The following MSR1 variants were observed in gnomAD, a reference collection of about 807,000 sequenced individuals.
MSR1 encodes macrophage scavenger receptor types I and II.
A neutral mutation model predicts 47.2 loss-of-function variants in MSR1; 53 were observed. The observed-to-expected ratio is 1.12, with a 90% CI of 0.90 to 1.41. The LOEUF (loss-of-function observed/expected upper bound fraction) is 1.41, where lower values mean the gene tolerates loss of function less well. Among genes scored for constraint, MSR1 ranks in the 40% most tolerant of loss-of-function variants. The pLI is 0.00. For synonymous variants in MSR1, 239 were observed against 185.6 expected, an observed-to-expected ratio of 1.29 and a Z score of -2.34; for missense variants, 786 against 546.9, an observed-to-expected ratio of 1.44 and a Z score of -4.36.
rs1800535182 is a variant in MSR1 at position 16,140,789 on chromosome 8, TAAG to T, written c.1033+2766_1033+2768del. On this transcript the variant is annotated intron_variant, in intron 8 of 9. Transcript: ENST00000262101. ...AGAGGTGATGGTGGAGTAATTGGAG[TAAG>T]AAGAGGTATGAGCATGGGAGCAGAG... is the stretch of plus-strand genomic sequence containing the variant. 7 of 1,470,390 alleles carry T rather than the reference TAAG, an allele frequency of 4.8e-6. No homozygotes were observed. In the East Asian group the frequency reaches 7.3e-5, roughly 15 times the overall value. 91.1% of individuals were successfully genotyped at this position (1,470,390 alleles called of 1,614,324 possible). A position where few individuals can be genotyped will look rare whatever the true frequency, so the allele number is the denominator to read the frequency against.
chr8:16,185,552 A>G lies in MSR1; in HGVS notation c.-5+7046T>C, dbSNP rs1342342321. Among the ~76,000 whole-genome samples the G allele has an allele frequency of 3.9e-5, 6 of 152,238 alleles. No individual in the cohort carries two copies. In the South Asian group the frequency reaches 1.0e-3, roughly 26 times the overall value. On this transcript the variant is annotated intron_variant, in intron 1 of 9. Coordinates refer to ENST00000262101, the MANE Select transcript of MSR1 (RefSeq NM_138715.3). ...TATGCCGGCAAAGCACAGTCACGCA[A>G]TCTGAGCCCAGAACTGCTTTTCTAG...
intron 3 of MSR1, among the ~76,000 whole-genome samples, chr8:16,173,342 T>C (rs1322195191): frequency 1.3e-5 from 2 of 152,220 alleles, no homozygotes; most frequent in Admixed American, 1.3e-4. Context: ...CTGCAGGCAG[T>C]GATTTGCATA....
chr8:16,142,892 T>C (rs1800598146), intron 8 of MSR1, among the ~76,000 whole-genome samples: 1 of 152,142 alleles, frequency 6.6e-6, no homozygotes, highest in Non-Finnish European at 1.5e-5. Flanking sequence ...ACACTCCTCT[T>C]CATAATCCTT....
In MSR1 at chr8:16,120,312, G is replaced by A. The variant is rs1179974998; in HGVS notation, c.1222+106C>T. 5 of 1,172,640 alleles carry A rather than the reference G, an allele frequency of 4.3e-6. No individual in the cohort carries two copies. The African/African-American group carries it at 6.0e-5, about 14-fold the overall frequency. The allele number at this position is 1,172,640 out of a possible 1,614,324, so 72.6% of individuals were successfully genotyped here. Reference sequence around the variant, plus strand: ...GAATCGCTTGAATCCGGGAGGCAGAGGTTGCAGTGAGCCGAGATCGCGCCA... The same window carrying A: ...GAATCGCTTGAATCCGGGAGGCAGAAGTTGCAGTGAGCCGAGATCGCGCCA... On this transcript the variant is annotated intron_variant, in intron 9 of 9. Transcript: ENST00000262101.
chr8:16,141,530 C>T (rs351562), intron 8 of MSR1, among the ~76,000 whole-genome samples: 46,294 of 151,884 alleles, frequency 0.3, 7,523 homozygotes, highest in East Asian at 0.54. Context: ...TTAACATAAG[C>T]GAAAAGCAGA....
At chr8:16,183,287 G>T (rs1484422822) in intron 1 of MSR1, among the ~76,000 whole-genome samples, 1 of 151,928 alleles carries the variant, frequency 6.6e-6, no homozygotes, top group East Asian at 1.9e-4. Flanking sequence ...AAGACCGTTT[G>T]TGAAAAAAGC....
At chr8:16,152,440 A>C (rs1023162940) in intron 6 of MSR1, among the ~76,000 whole-genome samples, 1 of 152,058 alleles carries the variant, frequency 6.6e-6, no homozygotes, top group Non-Finnish European at 1.5e-5. Flanking sequence ...TCCAATATCT[A>C]TGGGTAAGAT....
intron 2 of MSR1, among the ~76,000 whole-genome samples, chr8:16,176,677 T>G (rs904433234): frequency 6.6e-6 from 1 of 152,180 alleles, no homozygotes; most frequent in Non-Finnish European, 1.5e-5. Context: ...TCATCACAAA[T>G]GTAAATTCTA....
intron 1 of MSR1, among the ~76,000 whole-genome samples, chr8:16,188,577 G>A (rs1332372778): frequency 6.6e-6 from 1 of 151,910 alleles, no homozygotes; most frequent in Non-Finnish European, 1.5e-5. Flanking sequence ...ATATGCCATG[G>A]TGGTTTGCTG....
chr8:16,142,056 C>A (rs1400575640), intron 8 of MSR1, among the ~76,000 whole-genome samples: 1 of 152,038 alleles, frequency 6.6e-6, no homozygotes, highest in Non-Finnish European at 1.5e-5. Flanking sequence ...GTGGGCCAGG[C>A]TTGGTGGCTC....
chr8:16,191,782 T>A (rs111562043), intron 1 of MSR1, among the ~76,000 whole-genome samples: 1 of 152,178 alleles, frequency 6.6e-6, no homozygotes, highest in Non-Finnish European at 1.5e-5. Context: ...ATAAGTATTT[T>A]TACCTGGTCA....
intron 6 of MSR1, 126 bp from the exon 7 acceptor site, chr8:16,150,437 A>G: frequency 2.6e-6 from 1 of 387,340 alleles, no homozygotes; most frequent in Non-Finnish European, 4.5e-6. Context: ...AAGGAATAAT[A>G]TCTTTCCTAA....
intron 3 of MSR1, among the ~76,000 whole-genome samples, chr8:16,169,581 G>A (rs1218516133): frequency 3.9e-5 from 6 of 152,050 alleles, no homozygotes; most frequent in Non-Finnish European, 7.4e-5. Flanking sequence ...AATTTACCAT[G>A]AATCTCACCA....
chr8:16,167,618 A>T (rs1460315409), intron 4 of MSR1, among the ~76,000 whole-genome samples: 7 of 152,118 alleles, frequency 4.6e-5, no homozygotes, highest in Admixed American at 4.6e-4. Context: ...GCCAGAATCA[A>T]ATGTATCCTT....
At chr8:16,135,304 A>ATTTT (rs1585148459) in intron 8 of MSR1, among the ~76,000 whole-genome samples, 2 of 152,256 alleles carry the variant, frequency 1.3e-5, no homozygotes, top group East Asian at 3.9e-4. Flanking sequence ...GGAAATGCTC[A>ATTTT]TTTGCTATTC....
At chr8:16,167,468 C>A (rs975157056) in intron 4 of MSR1, among the ~76,000 whole-genome samples, 9 of 152,136 alleles carry the variant, frequency 5.9e-5, no homozygotes, top group African/African-American at 2.2e-4. Flanking sequence ...TCACTTGAAC[C>A]TGGGAGGCAG....
chr8:16,125,347 A>T (rs1353073428), intron 8 of MSR1, among the ~76,000 whole-genome samples: 1 of 152,178 alleles, frequency 6.6e-6, no homozygotes, highest in Non-Finnish European at 1.5e-5. Context: ...TAATTAATTT[A>T]TTAATTTACA....
At chr8:16,189,249 A>G (rs545559535) in intron 1 of MSR1, among the ~76,000 whole-genome samples, 4 of 106,554 alleles carry the variant, frequency 3.8e-5, no homozygotes, top group African/African-American at 1.9e-4. Flanking sequence ...ATATATTTAG[A>G]TATAATCTTA....
chr8:16,153,955 C>T (rs538937593), intron 6 of MSR1, among the ~76,000 whole-genome samples: 1 of 152,022 alleles, frequency 6.6e-6, no homozygotes, highest in African/African-American at 2.4e-5. Context: ...AATACTAATA[C>T]CACCTGACTT....
Sources: gnomAD v4.1 joint callset for allele counts (sites outside exome capture counted in the v4.1 genomes callset) on GRCh38, gnomAD v4.1.1 for gene constraint, MANE v1.5 for transcripts, NCBI Gene and HGNC (gene_info 2026-07-23, HGNC 2026-07-21) for gene names.